CNST: variants seen among roughly 807,000 people sequenced by gnomAD.
CNST encodes the protein consortin, connexin sorting protein.
A neutral mutation model predicts 72.4 loss-of-function variants in CNST; 39 were observed. That is an observed-to-expected ratio of 0.54 (90% CI 0.42 to 0.70). The LOEUF (loss-of-function observed/expected upper bound fraction) is 0.70, where lower values mean the gene tolerates loss of function less well. Ranked by LOEUF, CNST falls within the 30% of genes least tolerant of loss-of-function variation. The pLI is 0.00. For synonymous variants in CNST, 332 were observed against 320.1 expected (o/e 1.04, Z -0.40); for missense variants, 871 against 868.5 (o/e 1.00, Z -0.04).
intron 2 of CNST, among the ~76,000 whole-genome samples, chr1:246,612,897 T>C (rs1351376675): frequency 2.0e-5 from 3 of 151,984 alleles, no homozygotes; most frequent in Non-Finnish European, 2.9e-5. Flanking sequence ...AAAATATATA[T>C]ATAACACTCC....
At position 246,601,699 on chromosome 1, in the gene CNST, C is replaced by T. The variant is rs369708432; in HGVS notation, c.379+9758C>T. ...ATTCCAGCTACTCAGGAGGCTGAGG[C>T]GGGAGAAACACTTCAACCTGGGAGG... is the stretch of plus-strand genomic sequence containing the variant. On this transcript the variant is annotated intron_variant, in intron 2 of 10. Coordinates refer to ENST00000366513, the MANE Select transcript of CNST (RefSeq NM_152609.3). Among the ~76,000 whole-genome samples, 51 of 152,190 alleles carry T rather than the reference C, an allele frequency of 3.4e-4. 2 individuals are homozygous for T. In the South Asian group the frequency reaches 0.01, roughly 31 times the overall value.
rs146172176 is a variant in CNST at position 246,644,963 on chromosome 1, T to C, written c.938-2176T>C. On this transcript the variant is annotated intron_variant, in intron 8 of 10. Coordinates refer to ENST00000366513, the MANE Select transcript of CNST (RefSeq NM_152609.3). ...CAGGCAACCAAAGGGAAGTGAAAGG[T>C]GCCTTTGTTTTCTTGCAGCCTTACA... Among the ~76,000 whole-genome samples the C allele has an allele frequency of 3.2e-4, 49 of 152,126 alleles. No homozygotes were observed. In the East Asian group the frequency reaches 8.7e-3, roughly 27 times the overall value.
rs547699018 is a variant in CNST, at chr1:246,602,953, G to T, written c.379+11012G>T. Reference sequence around the variant, plus strand: ...TTAAAATGCAGTATCTATGCAGAGAGAAGGTGAAAAAGAAAAGAATTACAA... The same window carrying T: ...TTAAAATGCAGTATCTATGCAGAGATAAGGTGAAAAAGAAAAGAATTACAA... On this transcript the variant is annotated intron_variant, in intron 2 of 10. Transcript: ENST00000366513. Among the ~76,000 whole-genome samples, 63 of 151,866 alleles carry T rather than the reference G, an allele frequency of 4.1e-4. 1 individual carries two copies. The South Asian group carries it at 0.012, about 30-fold the overall frequency.
intron 3 of CNST, 52 bp downstream of exon 3, chr1:246,621,686 G>C: frequency 2.1e-6 from 3 of 1,455,686 alleles, no homozygotes; most frequent in Non-Finnish European, 2.9e-6. Context: ...CCCTAGCAGT[G>C]TTTGGAATGA....
rs190932111 is a variant in CNST, at chr1:246,576,005, C to T, written c.-52+9342C>T. ...ATCCCAGCACTTTGGGAGGCCGAGG[C>T]GAGCAGATCACTTGAGGTCAGGAAT... On this transcript the variant is annotated intron_variant, in intron 1 of 10. Transcript: ENST00000366513. Among the ~76,000 whole-genome samples, 590 of 151,148 alleles carry T rather than the reference C, an allele frequency of 3.9e-3. 2 individuals are homozygous for T. The highest frequency in any genetic ancestry group is 0.014 in the African/African-American group (565 of 41,098).
chr1:246,594,284 G>T (rs1284548874), intron 2 of CNST, among the ~76,000 whole-genome samples: 1 of 151,858 alleles, frequency 6.6e-6, no homozygotes, highest in Non-Finnish European at 1.5e-5. Flanking sequence ...TGAGTACCTG[G>T]GACTACAGGT....
chr1:246,608,414 T>C (rs1221549057), intron 2 of CNST, among the ~76,000 whole-genome samples: 4 of 152,224 alleles, frequency 2.6e-5, no homozygotes, highest in African/African-American at 7.2e-5. Context: ...TACACAGTTT[T>C]AGTTTTTAAT....
intron 3 of CNST, among the ~76,000 whole-genome samples, chr1:246,628,084 G>T (rs1023797877): frequency 3.9e-5 from 6 of 152,228 alleles, no homozygotes; most frequent in East Asian, 3.9e-4. Context: ...ACGCGAGAAA[G>T]ATGTGGGCTG....
At chr1:246,600,731 T>C (rs1248561552) in intron 2 of CNST, among the ~76,000 whole-genome samples, 2 of 152,162 alleles carry the variant, frequency 1.3e-5, no homozygotes, top group African/African-American at 4.8e-5. Flanking sequence ...AGTGTTGTGC[T>C]TTTGGGTCAG....
rs761288170 is a variant in CNST at position 246,648,049 on chromosome 1, A to T, written c.1836+12A>T. On this transcript the variant is annotated intron_variant, in intron 9 of 10. Coordinates refer to ENST00000366513, the MANE Select transcript of CNST (RefSeq NM_152609.3). ...TAGAGATTGCAGAGGTAAATCAGAGATGAAGTACAATTAAAAGTAAAATGG... is the reference window on the plus strand; with the variant it reads ...TAGAGATTGCAGAGGTAAATCAGAGTTGAAGTACAATTAAAAGTAAAATGG... The T allele has an allele frequency of 3.2e-6, 5 of 1,580,828 alleles. No homozygotes were observed. Among genetic ancestry groups the T allele is most frequent in the Non-Finnish European group, 4.3e-6 (5 of 1,166,386 alleles).
chr1:246,584,364 G>A (rs1392969032), intron 1 of CNST, among the ~76,000 whole-genome samples: 1 of 152,000 alleles, frequency 6.6e-6, no homozygotes, highest in Admixed American at 6.6e-5. Flanking sequence ...AGTAAACCAG[G>A]GGCAAGAGTT....
At chr1:246,573,845 G>C (rs897081626) in intron 1 of CNST, among the ~76,000 whole-genome samples, 2 of 148,174 alleles carry the variant, frequency 1.3e-5, no homozygotes, top group Non-Finnish European at 3.0e-5. Flanking sequence ...TTTTCCTCCA[G>C]CTCTTCAGTG....
chr1:246,583,669 GT>G (rs1169269051), intron 1 of CNST, among the ~76,000 whole-genome samples: 2 of 152,332 alleles, frequency 1.3e-5, no homozygotes, highest in Admixed American at 6.5e-5. Flanking sequence ...TCAGAGTTCA[GT>G]CTCATGTGGA....
At chr1:246,632,362 G>A (rs1454298217) in intron 4 of CNST, 1 of 270,592 alleles carries the variant, frequency 3.7e-6, no homozygotes, top group South Asian at 4.9e-5. Context: ...GAATCTCGTC[G>A]TATCTGTCGT....
chr1:246,642,141 T>TTTG, intron 8 of CNST, 104 bp downstream of exon 8: 1 of 616,250 alleles, frequency 1.6e-6, no homozygotes, highest in Non-Finnish European at 2.6e-6. Context: ...TGGTTTTTTT[T>TTTG]TTTTTTTTTT....
rs1182740340 is a variant in CNST, at chr1:246,647,387, G to T, written c.1186G>T (p.Asp396Tyr). The change falls in exon 9 of 11, where the codon GAT becomes TAT. Residue 396 changes from aspartate to tyrosine, a missense_variant. Physicochemically the swap from Asp to Tyr is radical, Grantham distance 160. Coordinates refer to ENST00000366513, the MANE Select transcript of CNST (RefSeq NM_152609.3). Reference sequence around the variant, plus strand: ...AGACTCTTCTGAGGATGCTTGTGAGGATGACAGTCGCTTGCAGCTGGCTCA... The same window carrying T: ...AGACTCTTCTGAGGATGCTTGTGAGTATGACAGTCGCTTGCAGCTGGCTCA... ...GPDSSEDACE[D>Y]DSRLQLAQTE... 1 of 1,614,162 alleles carries T rather than the reference G, an allele frequency of 6.2e-7. No homozygotes were observed. The highest frequency in any genetic ancestry group is 8.5e-7 in the Non-Finnish European group (1 of 1,180,038).
chr1:246,628,245 G>T (rs1288027460), intron 3 of CNST, among the ~76,000 whole-genome samples: 1 of 152,080 alleles, frequency 6.6e-6, no homozygotes. Context: ...CACCCTCACA[G>T]ACACACCCAG....
intron 9 of CNST, among the ~76,000 whole-genome samples, chr1:246,655,409 T>C (rs943614100): frequency 3.3e-5 from 5 of 152,224 alleles, no homozygotes; most frequent in African/African-American, 1.2e-4. Context: ...TGGTACTCCC[T>C]GGCCCAGCGG....
At chr1:246,659,089 G>A (rs1361797455) in intron 9 of CNST, among the ~76,000 whole-genome samples, 2 of 152,214 alleles carry the variant, frequency 1.3e-5, no homozygotes, top group African/African-American at 4.8e-5. Flanking sequence ...ATATTAGGCA[G>A]CAGACTTTTT....
Sources: gnomAD v4.1 joint callset for allele counts (sites outside exome capture counted in the v4.1 genomes callset) on GRCh38, gnomAD v4.1.1 for gene constraint, MANE v1.5 for transcripts, NCBI Gene and HGNC (gene_info 2026-07-23, HGNC 2026-07-21) for gene names.